Variants in CCDC178 observed in about 807,000 individuals in gnomAD.
CCDC178 encodes the protein coiled-coil domain containing 178, also known as coiled-coil domain-containing protein 178.
Under a neutral mutation model 117.4 loss-of-function variants are expected in CCDC178, and 126 were observed. The observed-to-expected ratio is 1.07, with a 90% CI of 0.93 to 1.24. CCDC178 has a LOEUF of 1.24. CCDC178 is among the 50% of genes most tolerant of loss of function. The probability of loss-of-function intolerance (pLI) is 0.00; values close to 1 mark genes in which losing one functional copy is unlikely to be tolerated. For synonymous variants in CCDC178, 283 were observed against 313.4 expected (o/e 0.90, Z 1.02); for missense variants, 1,030 against 986.9 (o/e 1.04, Z -0.59).
chr18:33,203,189 T>C (rs1208272059), intron 20 of CCDC178, among the ~76,000 whole-genome samples: 1 of 152,208 alleles, frequency 6.6e-6, no homozygotes, highest in Non-Finnish European at 1.5e-5. Context: ...ATATTTGCTC[T>C]TATGAACTGA....
chr18:33,079,710 A>G (rs899894540), intron 21 of CCDC178, among the ~76,000 whole-genome samples: 3 of 152,220 alleles, frequency 2.0e-5, no homozygotes, highest in Non-Finnish European at 4.4e-5. Context: ...AGAAATGCAA[A>G]TCAAAACTAC....
intron 20 of CCDC178, among the ~76,000 whole-genome samples, chr18:33,141,744 T>C (rs1297281330): frequency 6.6e-6 from 1 of 152,202 alleles, no homozygotes; most frequent in Non-Finnish European, 1.5e-5. Context: ...TCTTCTTCTT[T>C]TCCTAGATTA....
chr18:33,349,008 A>C (rs778333073), intron 7 of CCDC178, 33 bp from the exon 8 acceptor site: 6 of 1,402,896 alleles, frequency 4.3e-6, no homozygotes, highest in Non-Finnish European at 5.9e-6. Context: ...GCAGTAAAGA[A>C]GTACTTAAAG....
chr18:33,267,392 T>G, intron 12 of CCDC178, 95 bp from the exon 13 acceptor site: 1 of 689,568 alleles, frequency 1.5e-6, no homozygotes, highest in Non-Finnish European at 2.3e-6. Flanking sequence ...GTAGAATTTG[T>G]TTCAGTTACA....
At chr18:33,175,475 G>A (rs947943125) in intron 20 of CCDC178, among the ~76,000 whole-genome samples, 3 of 152,000 alleles carry the variant, frequency 2.0e-5, no homozygotes, top group Admixed American at 2.0e-4. Context: ...CCAGTAGTTG[G>A]GACTACAGGT....
chr18:33,195,968 C>A (rs1342942960), intron 20 of CCDC178, among the ~76,000 whole-genome samples: 3 of 152,170 alleles, frequency 2.0e-5, no homozygotes, highest in Non-Finnish European at 4.4e-5. Context: ...ACCTAAAGAG[C>A]AGTCTGGCCT....
chr18:33,305,593 A>G (rs1164709749), intron 11 of CCDC178, among the ~76,000 whole-genome samples: 1 of 152,180 alleles, frequency 6.6e-6, no homozygotes, highest in Admixed American at 6.5e-5. Context: ...ACCTGCCAGT[A>G]CGTCTTTTGT....
chr18:33,434,697 T>C (rs2064265839), intron 2 of CCDC178, among the ~76,000 whole-genome samples: 1 of 152,006 alleles, frequency 6.6e-6, no homozygotes, highest in Non-Finnish European at 1.5e-5. Flanking sequence ...GAAAACTACA[T>C]AGGTCAAAGA....
At chr18:33,194,386 T>A (rs1408538076) in intron 20 of CCDC178, among the ~76,000 whole-genome samples, 1 of 152,134 alleles carries the variant, frequency 6.6e-6, no homozygotes, top group Non-Finnish European at 1.5e-5. Context: ...AGTGGTTAAG[T>A]ACTGACATGT....
At chr18:33,099,625 A>G (rs1265387992) in intron 20 of CCDC178, among the ~76,000 whole-genome samples, 1 of 152,038 alleles carries the variant, frequency 6.6e-6, no homozygotes. Context: ...GGGAGAAAAT[A>G]TCTTCTTTAT....
chr18:32,946,135 A>G (rs917136344), intron 22 of CCDC178, among the ~76,000 whole-genome samples: 1 of 152,148 alleles, frequency 6.6e-6, no homozygotes, highest in African/African-American at 2.4e-5. Flanking sequence ...ATTCCCATGT[A>G]ACCTACTTCT....
chr18:33,303,976 G>A (rs569206292), intron 11 of CCDC178, among the ~76,000 whole-genome samples: 2 of 152,176 alleles, frequency 1.3e-5, no homozygotes, highest in South Asian at 4.2e-4. Context: ...GTTGGCTGTA[G>A]GGGATCCTAT....
At chr18:33,423,602 G>A (rs373027436) in intron 2 of CCDC178, among the ~76,000 whole-genome samples, 12 of 152,158 alleles carry the variant, frequency 7.9e-5, no homozygotes, top group African/African-American at 2.6e-4. Flanking sequence ...AGTATCTCTA[G>A]GGCAGGCATG....
intron 18 of CCDC178, among the ~76,000 whole-genome samples, chr18:33,218,486 T>G (rs1171963748): frequency 6.6e-6 from 1 of 152,188 alleles, no homozygotes; most frequent in Non-Finnish European, 1.5e-5. Flanking sequence ...TTGGCTTTTG[T>G]TGCCATTGCT....
intron 10 of CCDC178, among the ~76,000 whole-genome samples, chr18:33,329,004 TA>T (rs2062627306): frequency 6.6e-6 from 1 of 152,176 alleles, no homozygotes. Context: ...TTTTGCTATA[TA>T]AATCTTTCAT....
intron 21 of CCDC178, among the ~76,000 whole-genome samples, chr18:33,071,020 A>C (rs902530674): frequency 4.6e-5 from 7 of 152,128 alleles, no homozygotes; most frequent in African/African-American, 1.7e-4. Context: ...TTAGAAAATA[A>C]ACAGCTCTGC....
At position 33,389,698 on chromosome 18, in the gene CCDC178, A is replaced by G. The variant is rs547777819; in HGVS notation, c.119-69T>C. On this transcript the variant is annotated intron_variant, in intron 4 of 22. Coordinates refer to ENST00000383096, the MANE Select transcript of CCDC178 (RefSeq NM_001105528.4). Reference sequence around the variant, plus strand: ...TATAGAAAATTTTAAAATAAGCACCACCATGTAAAAAACTACGTTAGAGAA... The same window carrying G: ...TATAGAAAATTTTAAAATAAGCACCGCCATGTAAAAAACTACGTTAGAGAA... 63 of 706,546 alleles carry G rather than the reference A, an allele frequency of 8.9e-5. No individual in the cohort carries two copies. In the Admixed American group the frequency reaches 9.2e-4, roughly 10 times the overall value. 43.8% of individuals were successfully genotyped at this position (706,546 alleles called of 1,614,324 possible). A position where few individuals can be genotyped will look rare whatever the true frequency, so the allele number is the denominator to read the frequency against.
chr18:33,003,948 A>G (rs1010461270), intron 21 of CCDC178, among the ~76,000 whole-genome samples: 1 of 152,062 alleles, frequency 6.6e-6, no homozygotes, highest in Non-Finnish European at 1.5e-5. Context: ...AATGCAATTT[A>G]ATACCTAGTA....
At chr18:33,233,411 G>A (rs899218489) in intron 15 of CCDC178, among the ~76,000 whole-genome samples, 1 of 151,996 alleles carries the variant, frequency 6.6e-6, no homozygotes, top group Non-Finnish European at 1.5e-5. Context: ...ATAAGTATGG[G>A]AGGTAAAAGA....
Sources: allele counts gnomAD v4.1 joint callset (sites outside exome capture counted in the v4.1 genomes callset), GRCh38; gene constraint gnomAD v4.1.1; transcripts MANE v1.5; gene names NCBI Gene and HGNC (gene_info 2026-07-23, HGNC 2026-07-21).